The following ZNF429 variants were observed in gnomAD, a reference collection of about 807,000 sequenced individuals.
ZNF429 encodes zinc finger protein 429.
ZNF429 carries 53 observed loss-of-function variants against 56.8 expected under a neutral mutation model. The ratio of observed to expected loss-of-function variants is 0.93; its 90% CI spans 0.75 to 1.17. The LOEUF (loss-of-function observed/expected upper bound fraction) is 1.17, where lower values mean the gene tolerates loss of function less well. ZNF429 is among the 50% of genes most tolerant of loss of function. The pLI, the probability that ZNF429 is intolerant of heterozygous loss-of-function variation, is 0.00. For synonymous variants in ZNF429, 278 were observed against 264.7 expected, an observed-to-expected ratio of 1.05 and a Z score of -0.49; for missense variants, 849 against 788.4, an observed-to-expected ratio of 1.08 and a Z score of -0.92.
Position 21,510,572 on chromosome 19 carries a change from C to A in ZNF429, c.3+4798C>A, listed in dbSNP as rs34447812. Among the ~76,000 whole-genome samples, 1,516 of 151,720 alleles carry A rather than the reference C, an allele frequency of 1.0e-2. 24 individuals are homozygous for A. The highest frequency in any genetic ancestry group is 0.034 in the African/African-American group (1,419 of 41,146). ...CTGGTTGACCACTTTATGGTAATTT[C>A]TTTTTTTTAATTTTTTAATTTTTTT... On this transcript the variant is annotated intron_variant, in intron 1 of 3. Transcript: ENST00000358491.
chr19:21,536,808 C>T lies in ZNF429; in HGVS notation c.755C>T (p.Thr252Ile). 6.2e-7 allele frequency: 1 copy of T among 1,613,884 alleles called. No individual in the cohort carries two copies. Reference protein sequence around the residue: ...STLTNHKRIHTGEKPYKCKEC... With the variant: ...STLTNHKRIHIGEKPYKCKEC... ...CTTACTAACCATAAGAGAATTCATACTGGAGAGAAACCCTACAAATGTAAA... is the reference window on the plus strand; with the variant it reads ...CTTACTAACCATAAGAGAATTCATATTGGAGAGAAACCCTACAAATGTAAA... Residue 252 changes from threonine (T) to isoleucine (I), a missense_variant, in exon 4 of 4, where the codon ACT becomes ATT. Transcript: ENST00000358491.
In ZNF429 at chr19:21,537,266, G is replaced by A. The variant is rs1283834611; in HGVS notation, c.1213G>A (p.Val405Ile). ...CTACAAATTTGAAAAATGTGGCAGA[G>A]TTTTTACCTGTTCCTCAACACTTAC... ...EPYKFEKCGR[V>I]FTCSSTLTQD... Residue 405 changes from valine (V) to isoleucine (I), a missense_variant, in exon 4 of 4, where the codon GTT (valine) becomes ATT (isoleucine). Physicochemically the swap from Val to Ile is conservative, Grantham distance 29 (BLOSUM62 3). Coordinates refer to ENST00000358491, the MANE Select transcript of ZNF429 (RefSeq NM_001001415.4). 2 of 1,613,800 alleles carry A rather than the reference G, an allele frequency of 1.2e-6. No individual in the cohort carries two copies. The highest frequency in any genetic ancestry group is 1.7e-6 in the Non-Finnish European group (2 of 1,179,966).
In ZNF429 at chr19:21,540,024, C is replaced by T. The variant is rs913328059; in HGVS notation, c.*1946C>T. 6.6e-6 allele frequency among the ~76,000 whole-genome samples: 1 copy of T among 151,944 alleles called. No individual in the cohort carries two copies. The highest frequency in any genetic ancestry group is 2.4e-5 in the African/African-American group (1 of 41,384). On this transcript the variant is annotated 3_prime_UTR_variant, in exon 4 of 4. Transcript: ENST00000358491. ...GGTCGATGTTCAGAGTAATATGCCTCTGTATTACAGTGATAGAAAATATTT... is the reference window on the plus strand; with the variant it reads ...GGTCGATGTTCAGAGTAATATGCCTTTGTATTACAGTGATAGAAAATATTT...
Position 21,537,705 on chromosome 19 carries a change from G to C in ZNF429, c.1652G>C (p.Arg551Thr), listed in dbSNP as rs1367736217. ...GGCAAAGCTTTTAACCGGTCCTCAA[G>C]ACTTACTCAACATAAGAAAATTCAT... ...ECGKAFNRSSRLTQHKKIHTG... is the reference protein window; with the variant it reads ...ECGKAFNRSSTLTQHKKIHTG... Residue 551 changes from arginine (R) to threonine (T), a missense_variant, in exon 4 of 4, where the codon AGA becomes ACA. Coordinates refer to ENST00000358491, the MANE Select transcript of ZNF429 (RefSeq NM_001001415.4). The C allele has an allele frequency of 6.2e-7, 1 of 1,611,956 alleles. No individual in the cohort carries two copies. The highest frequency in any genetic ancestry group is 8.5e-7 in the Non-Finnish European group (1 of 1,179,626).
intron 3 of ZNF429, among the ~76,000 whole-genome samples, chr19:21,531,172 G>A: frequency 6.8e-6 from 1 of 147,210 alleles, no homozygotes. Context: ...GCCCTACAGA[G>A]CAAAGTCCTG....
chr19:21,530,205 A>G, intron 2 of ZNF429, among the ~76,000 whole-genome samples: 1 of 151,964 alleles, frequency 6.6e-6, no homozygotes, highest in Non-Finnish European at 1.5e-5. Context: ...AAAAAAAAAA[A>G]AAAGTTTGGG....
Position 21,539,547 on chromosome 19 carries a change from G to A in ZNF429, c.*1469G>A, listed in dbSNP as rs2145497826. Among the ~76,000 whole-genome samples the A allele has an allele frequency of 6.6e-6, 1 of 151,578 alleles. No individual in the cohort carries two copies. Among genetic ancestry groups the A allele is most frequent in the South Asian group, 2.1e-4 (1 of 4,792 alleles). On this transcript the variant is annotated 3_prime_UTR_variant, in exon 4 of 4. Coordinates refer to ENST00000358491, the MANE Select transcript of ZNF429 (RefSeq NM_001001415.4). ...AGCAGTTCTCCTGCCACAGCCTCCT[G>A]AGTAGCTGGGAATACAGGCATACAC...
chr19:21,522,490 T>C (rs2033017757), intron 1 of ZNF429, among the ~76,000 whole-genome samples: 3 of 152,220 alleles, frequency 2.0e-5, no homozygotes, highest in Admixed American at 2.0e-4. Context: ...TTTCTTTTAA[T>C]TATATTTTCC....
At chr19:21,530,818 A>C in intron 3 of ZNF429, 134 bp downstream of exon 3, 1 of 724,716 alleles carries the variant, frequency 1.4e-6, no homozygotes. Flanking sequence ...GTTCTAAAAA[A>C]CTTTCAGCCT....
intron 3 of ZNF429, among the ~76,000 whole-genome samples, chr19:21,531,032 G>A: frequency 1.3e-5 from 2 of 148,880 alleles, no homozygotes; most frequent in African/African-American, 5.0e-5. Context: ...CTTGAATCTG[G>A]GAGGCGGAGG....
intron 1 of ZNF429, among the ~76,000 whole-genome samples, chr19:21,528,181 T>A (rs1181476051): frequency 6.6e-6 from 1 of 152,186 alleles, no homozygotes; most frequent in African/African-American, 2.4e-5. Flanking sequence ...GTGTGGATAC[T>A]CAAGGTTTCT....
rs1302542251 is a variant in ZNF429, at chr19:21,538,889, G to A, written c.*811G>A. ...TTAAAGTGAATGAGACTAGTCTGAG[G>A]AAAAACATTACAAATGTAAAGAGGG... On this transcript the variant is annotated 3_prime_UTR_variant, in exon 4 of 4. Coordinates refer to ENST00000358491, the MANE Select transcript of ZNF429 (RefSeq NM_001001415.4). Among the ~76,000 whole-genome samples, 1 of 100,724 alleles carries A rather than the reference G, an allele frequency of 9.9e-6. No individual in the cohort carries two copies. The highest frequency in any genetic ancestry group is 2.3e-5 in the Non-Finnish European group (1 of 44,268). The allele number at this position is 100,724 out of a possible 152,430, so 66.1% of individuals were successfully genotyped here.
rs1222476528 is a variant in ZNF429 at position 21,540,640 on chromosome 19, TATAA to T, written c.*2568_*2571del. ...TGTGGTATAAAAATTTATATATAAG[TATAA>T]ATAAACTCATTTCTGAGTCTTAAAT... On this transcript the variant is annotated 3_prime_UTR_variant, in exon 4 of 4. Coordinates refer to ENST00000358491, the MANE Select transcript of ZNF429 (RefSeq NM_001001415.4). Among the ~76,000 whole-genome samples, 1 of 151,424 alleles carries T rather than the reference TATAA, an allele frequency of 6.6e-6. No homozygotes were observed. Among genetic ancestry groups the T allele is most frequent in the African/African-American group, 2.4e-5 (1 of 41,258 alleles).
At chr19:21,531,199 T>C in intron 3 of ZNF429, among the ~76,000 whole-genome samples, 2 of 150,902 alleles carry the variant, frequency 1.3e-5, no homozygotes, top group Non-Finnish European at 2.9e-5. Context: ...ATTCATTCTG[T>C]TGAAAAATAA....
chr19:21,532,998 A>T, intron 3 of ZNF429, among the ~76,000 whole-genome samples: 6 of 147,594 alleles, frequency 4.1e-5, no homozygotes, highest in Admixed American at 1.4e-4. Flanking sequence ...CCCGGTCCAA[A>T]TTTTTTTTTT....
chr19:21,511,934 A>T (rs913755619), intron 1 of ZNF429, among the ~76,000 whole-genome samples: 1 of 152,136 alleles, frequency 6.6e-6, no homozygotes, highest in Non-Finnish European at 1.5e-5. Flanking sequence ...AAAACCAGTC[A>T]GGCGTGGCGG....
intron 1 of ZNF429, among the ~76,000 whole-genome samples, chr19:21,516,890 AG>A (rs2032768101): frequency 6.6e-6 from 1 of 152,180 alleles, no homozygotes; most frequent in East Asian, 1.9e-4. Context: ...ATCTGCAAAC[AG>A]GGTTAGTTTC....
intron 3 of ZNF429, among the ~76,000 whole-genome samples, chr19:21,534,648 G>C: frequency 6.6e-6 from 1 of 152,118 alleles, no homozygotes; most frequent in African/African-American, 2.4e-5. Context: ...GGGATTAAAG[G>C]CATGACCCAC....
chr19:21,526,345 A>G (rs1161707191), intron 1 of ZNF429, among the ~76,000 whole-genome samples: 2 of 152,028 alleles, frequency 1.3e-5, no homozygotes, highest in Non-Finnish European at 2.9e-5. Flanking sequence ...CTCTTCCCCC[A>G]AAGTCCCCAA....
Sources: gnomAD v4.1 joint callset for allele counts (sites outside exome capture counted in the v4.1 genomes callset) on GRCh38, gnomAD v4.1.1 for gene constraint, MANE v1.5 for transcripts, NCBI Gene and HGNC (gene_info 2026-07-23, HGNC 2026-07-21) for gene names.